The following CNTLN variants were observed in gnomAD, a reference collection of about 807,000 sequenced individuals.
The protein encoded by CNTLN is centlein, also known as centlein, centrosomal protein.
CNTLN carries 212 observed loss-of-function variants against 180.0 expected under a neutral mutation model. The ratio of observed to expected loss-of-function variants is 1.18; its 90% CI spans 1.05 to 1.32. The LOEUF (loss-of-function observed/expected upper bound fraction) is 1.32, where lower values mean the gene tolerates loss of function less well. Among genes scored for constraint, CNTLN ranks in the 40% most tolerant of loss-of-function variants. The pLI is 0.00. For synonymous variants in CNTLN, 722 were observed against 563.1 expected (o/e 1.28, Z -3.99); for missense variants, 2,095 against 1,610.9 (o/e 1.30, Z -5.14).
intron 7 of CNTLN, among the ~76,000 whole-genome samples, chr9:17,305,402 C>G (rs1336878445): frequency 2.6e-5 from 4 of 152,028 alleles, no homozygotes; most frequent in Non-Finnish European, 5.9e-5. Flanking sequence ...AGAAAAGAGC[C>G]TCTCTGAAAA....
At chr9:17,205,572 G>A (rs866468501) in intron 2 of CNTLN, among the ~76,000 whole-genome samples, 1 of 152,172 alleles carries the variant, frequency 6.6e-6, no homozygotes, top group Non-Finnish European at 1.5e-5. Context: ...TCTGATGAAG[G>A]AAGCGGTGGG....
intron 13 of CNTLN, among the ~76,000 whole-genome samples, chr9:17,372,876 C>T (rs187268720): frequency 1.6e-4 from 25 of 152,174 alleles, no homozygotes; most frequent in African/African-American, 5.1e-4. Flanking sequence ...AGGACAAAAA[C>T]CATAGGATCA....
At chr9:17,184,347 A>C (rs1448401927) in intron 2 of CNTLN, among the ~76,000 whole-genome samples, 1 of 152,188 alleles carries the variant, frequency 6.6e-6, no homozygotes, top group African/African-American at 2.4e-5. Context: ...GTACTATTTC[A>C]ACAAATTTCA....
intron 12 of CNTLN, among the ~76,000 whole-genome samples, chr9:17,357,651 A>G (rs1203113646): frequency 6.7e-6 from 1 of 148,778 alleles, no homozygotes; most frequent in East Asian, 2.0e-4. Context: ...AAATTTTCTT[A>G]AAGAATTACA....
rs114032264 is a variant in CNTLN, at chr9:17,256,463, G to A, written c.850-17270G>A. On this transcript the variant is annotated intron_variant, in intron 5 of 25. Coordinates refer to ENST00000380647, the MANE Select transcript of CNTLN (RefSeq NM_017738.4). ...TTTAGTAAAAGCCATTATGATTGGTGTGAGATGGTATCTCATTGTGTTTCT... is the reference window on the plus strand; with the variant it reads ...TTTAGTAAAAGCCATTATGATTGGTATGAGATGGTATCTCATTGTGTTTCT... Among the ~76,000 whole-genome samples the A allele has an allele frequency of 2.6e-3, 401 of 151,940 alleles. 5 individuals carry two copies. Among genetic ancestry groups the A allele is most frequent in the African/African-American group, 9.3e-3 (384 of 41,492 alleles).
In CNTLN at chr9:17,136,373, A is replaced by T. The variant is rs556806765; in HGVS notation, c.360+948A>T. 3.4e-4 allele frequency among the ~76,000 whole-genome samples: 52 copies of T among 152,352 alleles called. No individual in the cohort carries two copies. In the South Asian group the frequency reaches 0.011, roughly 31 times the overall value. On this transcript the variant is annotated intron_variant, in intron 1 of 25. Coordinates refer to ENST00000380647, the MANE Select transcript of CNTLN (RefSeq NM_017738.4). Reference sequence around the variant, plus strand: ...TCATGAAATTCATTCTCTGTCGCCCAGGCTGGAGTGCAGTGGTGCAGTCTC... The same window carrying T: ...TCATGAAATTCATTCTCTGTCGCCCTGGCTGGAGTGCAGTGGTGCAGTCTC...
At position 17,341,164 on chromosome 9, in the gene CNTLN, C is replaced by T. The variant is rs188535071; in HGVS notation, c.1766+216C>T. Among the ~76,000 whole-genome samples, 794 of 152,196 alleles carry T rather than the reference C, an allele frequency of 5.2e-3. 5 individuals are homozygous for T. Among genetic ancestry groups the T allele is most frequent in the Admixed American group, 8.2e-3 (126 of 15,274 alleles). On this transcript the variant is annotated intron_variant, in intron 11 of 25. Transcript: ENST00000380647. Reference sequence around the variant, plus strand: ...TCCTCACATTTGCAGATATCATTAGCAGTCAATGATTATGAATTATTGTAC... The same window carrying T: ...TCCTCACATTTGCAGATATCATTAGTAGTCAATGATTATGAATTATTGTAC...
chr9:17,337,352 G>A (rs1488831488), intron 10 of CNTLN, among the ~76,000 whole-genome samples: 1 of 152,080 alleles, frequency 6.6e-6, no homozygotes, highest in Admixed American at 6.6e-5. Flanking sequence ...TGTTGCCATT[G>A]CTTTTGGTGT....
intron 10 of CNTLN, among the ~76,000 whole-genome samples, chr9:17,339,673 A>G (rs930539446): frequency 6.6e-6 from 1 of 152,220 alleles, no homozygotes; most frequent in Non-Finnish European, 1.5e-5. Context: ...CAGAAATATG[A>G]ATAACAGTTA....
intron 1 of CNTLN, among the ~76,000 whole-genome samples, chr9:17,138,109 C>A (rs1313795026): frequency 6.6e-6 from 1 of 152,062 alleles, no homozygotes; most frequent in East Asian, 1.9e-4. Flanking sequence ...GCATTTAATG[C>A]CCTATTTCAC....
At chr9:17,466,973 A>C in intron 23 of CNTLN, 82 bp downstream of exon 23, 1 of 946,544 alleles carries the variant, frequency 1.1e-6, no homozygotes, top group East Asian at 2.7e-5. Flanking sequence ...TTTGGGGAAT[A>C]AAGTTTCTTT....
intron 21 of CNTLN, among the ~76,000 whole-genome samples, chr9:17,465,614 G>T (rs1831703526): frequency 6.6e-6 from 1 of 150,724 alleles, no homozygotes; most frequent in African/African-American, 2.4e-5. Context: ...TTATTTTAGA[G>T]AATACAATGG....
At chr9:17,151,354 G>A (rs2774627) in intron 2 of CNTLN, among the ~76,000 whole-genome samples, 6,437 of 152,250 alleles carry the variant, frequency 0.042, 446 homozygotes, top group African/African-American at 0.15. Flanking sequence ...TTTTTGGCAT[G>A]AATAGGTGTT....
intron 18 of CNTLN, chr9:17,448,596 T>C (rs998173347): frequency 2.0e-5 from 3 of 152,162 alleles, no homozygotes; most frequent in Admixed American, 6.5e-5. Flanking sequence ...GACCAAGCCT[T>C]GGTTATGAGG....
intron 2 of CNTLN, among the ~76,000 whole-genome samples, chr9:17,196,413 T>G (rs2131843503): frequency 6.6e-6 from 1 of 152,270 alleles, no homozygotes; most frequent in South Asian, 2.1e-4. Flanking sequence ...TATAAAGGGA[T>G]TTTTAAAGAA....
At chr9:17,514,871 C>T in the CNTLN span, among the ~76,000 whole-genome samples, 1 of 152,120 alleles carries the variant, frequency 6.6e-6, no homozygotes, top group Non-Finnish European at 1.5e-5. Flanking sequence ...TGACCTTTTC[C>T]ACTTGTTCCT....
intron 2 of CNTLN, among the ~76,000 whole-genome samples, chr9:17,204,111 C>T (rs1193214420): frequency 1.3e-5 from 2 of 152,148 alleles, no homozygotes; most frequent in African/African-American, 2.4e-5. Context: ...AGAACATGTT[C>T]CTTTAGCTCA....
At chr9:17,456,649 C>A (rs1445335028) in intron 18 of CNTLN, among the ~76,000 whole-genome samples, 3 of 152,000 alleles carry the variant, frequency 2.0e-5, no homozygotes, top group Non-Finnish European at 4.4e-5. Flanking sequence ...GATTTTTCCC[C>A]CTCTGAGAGA....
Position 17,258,709 on chromosome 9 carries a change from C to T in CNTLN, c.850-15024C>T, listed in dbSNP as rs1391261862. Among the ~76,000 whole-genome samples the T allele has an allele frequency of 4.1e-5, 6 of 146,794 alleles. No homozygotes were observed. The East Asian group carries it at 1.2e-3, about 29-fold the overall frequency. On this transcript the variant is annotated intron_variant, in intron 5 of 25. Coordinates refer to ENST00000380647, the MANE Select transcript of CNTLN (RefSeq NM_017738.4). ...CTTCACATCCCTTGTAATTTGGATT[C>T]CTAGGTATTTTATTCTCTTTGAAGC...
Sources: allele counts gnomAD v4.1 joint callset (sites outside exome capture counted in the v4.1 genomes callset), GRCh38; gene constraint gnomAD v4.1.1; transcripts MANE v1.5; gene names NCBI Gene and HGNC (gene_info 2026-07-23, HGNC 2026-07-21).